GULP1: variants seen among roughly 807,000 people sequenced by gnomAD.
GULP1 encodes the protein GULP PTB domain containing engulfment adaptor 1, also known as PTB domain-containing engulfment adapter protein 1.
A neutral mutation model predicts 40.9 loss-of-function variants in GULP1; 19 were observed. The observed-to-expected ratio is 0.46, with a 90% confidence interval of 0.32 to 0.68. The LOEUF (loss-of-function observed/expected upper bound fraction) is 0.68. Among genes scored for constraint, GULP1 ranks in the 30% least tolerant of loss-of-function variants. The pLI is 0.03. For missense variants in GULP1, 312 were observed against 362.2 expected (o/e 0.86, Z 1.12); for synonymous variants, 119 against 117.6 (o/e 1.01, Z -0.08).
intron 2 of GULP1, among the ~76,000 whole-genome samples, chr2:188,474,950 A>G (rs2060889532): frequency 6.6e-6 from 1 of 152,166 alleles, no homozygotes; most frequent in Non-Finnish European, 1.5e-5. Flanking sequence ...TTTACATAGA[A>G]TTGTATTTCT....
intron 4 of GULP1, among the ~76,000 whole-genome samples, chr2:188,492,870 A>G (rs1480005995): frequency 6.6e-6 from 1 of 152,016 alleles, no homozygotes; most frequent in Non-Finnish European, 1.5e-5. Context: ...TTAATAGCAC[A>G]TTTCAAATTT....
At chr2:188,521,660 A>G (rs376284850) in intron 4 of GULP1, among the ~76,000 whole-genome samples, 9 of 152,156 alleles carry the variant, frequency 5.9e-5, no homozygotes, top group African/African-American at 1.7e-4. Context: ...TTGTGACTCA[A>G]TTACCTCCCA....
chr2:188,575,925 G>T (rs1700086871), intron 9 of GULP1, among the ~76,000 whole-genome samples: 1 of 152,078 alleles, frequency 6.6e-6, no homozygotes, highest in African/African-American at 2.4e-5. Flanking sequence ...ACCTGTGGAG[G>T]TTATGAGCAG....
At chr2:188,436,176 A>G (rs900204832) in intron 2 of GULP1, among the ~76,000 whole-genome samples, 6 of 151,940 alleles carry the variant, frequency 3.9e-5, no homozygotes, top group Admixed American at 6.6e-5. Context: ...TTAAAATCCA[A>G]CCATCACAGC....
At chr2:188,495,415 A>G (rs1197778095) in intron 4 of GULP1, among the ~76,000 whole-genome samples, 2 of 152,112 alleles carry the variant, frequency 1.3e-5, no homozygotes, top group Admixed American at 6.6e-5. Context: ...GAAGTCCTCC[A>G]CTGCGTTGTC....
At position 188,477,680 on chromosome 2, in the gene GULP1, C is replaced by T. The variant is rs764790887; in HGVS notation, c.-23C>T. On this transcript the variant is annotated 5_prime_UTR_variant, in exon 3 of 12. Transcript: ENST00000409830. ...ACAGGATTTAAGTCGTGGAACTGAA[C>T]ATTTATTTGGCTGATCCTCATCATG... 34 of 1,583,752 alleles carry T rather than the reference C, an allele frequency of 2.1e-5. No individual in the cohort carries two copies. Among genetic ancestry groups the T allele is most frequent in the Non-Finnish European group, 1.0e-5 (12 of 1,164,376 alleles).
intron 6 of GULP1, among the ~76,000 whole-genome samples, chr2:188,530,434 T>C (rs1424990556): frequency 6.6e-6 from 1 of 152,218 alleles, no homozygotes; most frequent in Non-Finnish European, 1.5e-5. Context: ...TGGACTAAAG[T>C]GTTTCCTTCC....
At chr2:188,402,026 T>G (rs912444772) in intron 2 of GULP1, among the ~76,000 whole-genome samples, 1 of 152,148 alleles carries the variant, frequency 6.6e-6, no homozygotes, top group African/African-American at 2.4e-5. Context: ...AGAACGTATT[T>G]GCACATTCTT....
At chr2:188,303,850 A>T (rs1222212477) in intron 1 of GULP1, among the ~76,000 whole-genome samples, 1 of 152,214 alleles carries the variant, frequency 6.6e-6, no homozygotes. Flanking sequence ...ATTCATGGCA[A>T]CTAAGGAAGT....
chr2:188,462,714 T>C (rs926996483), intron 2 of GULP1, among the ~76,000 whole-genome samples: 4 of 152,164 alleles, frequency 2.6e-5, no homozygotes, highest in Admixed American at 1.3e-4. Context: ...TTTCCTTTTA[T>C]TGAAGATGAT....
At chr2:188,586,450 T>C (rs1702391868) in intron 10 of GULP1, among the ~76,000 whole-genome samples, 1 of 152,200 alleles carries the variant, frequency 6.6e-6, no homozygotes, top group Non-Finnish European at 1.5e-5. Flanking sequence ...AACCAGGACA[T>C]TTCTCCAGAG....
At chr2:188,501,197 C>T (rs186385089) in intron 4 of GULP1, among the ~76,000 whole-genome samples, 5 of 151,848 alleles carry the variant, frequency 3.3e-5, no homozygotes, top group African/African-American at 1.2e-4. Context: ...GGGAGGGACC[C>T]GGTGGGAGGT....
chr2:188,548,593 GA>G (rs1276593254), intron 7 of GULP1, among the ~76,000 whole-genome samples: 1 of 151,976 alleles, frequency 6.6e-6, no homozygotes, highest in African/African-American at 2.4e-5. Flanking sequence ...ACTTTATATG[GA>G]AAAGCAGAGG....
At chr2:188,306,946 T>A (rs996408790) in intron 1 of GULP1, among the ~76,000 whole-genome samples, 1 of 152,200 alleles carries the variant, frequency 6.6e-6, no homozygotes. Context: ...TTGATGACTA[T>A]CAATAATTGT....
intron 4 of GULP1, among the ~76,000 whole-genome samples, chr2:188,493,001 A>G (rs12997039): frequency 0.87 from 131,855 of 152,092 alleles, 59,149 homozygotes; most frequent in South Asian, 0.99. Context: ...AGGATTTGCA[A>G]CGTTTACATT....
chr2:188,420,236 T>G (rs2055202161), intron 2 of GULP1, among the ~76,000 whole-genome samples: 1 of 152,208 alleles, frequency 6.6e-6, no homozygotes, highest in Non-Finnish European at 1.5e-5. Flanking sequence ...ATTGGGATTT[T>G]AATCAGAATT....
At chr2:188,576,348 A>C (rs1700183449) in intron 9 of GULP1, among the ~76,000 whole-genome samples, 1 of 152,092 alleles carries the variant, frequency 6.6e-6, no homozygotes, top group Admixed American at 6.6e-5. Flanking sequence ...ATTGAGTTCT[A>C]GCTAAAGAAA....
At chr2:188,341,288 G>C (rs1031145191) in intron 1 of GULP1, among the ~76,000 whole-genome samples, 3 of 152,136 alleles carry the variant, frequency 2.0e-5, no homozygotes, top group Non-Finnish European at 4.4e-5. Flanking sequence ...AAAAGACAGA[G>C]AGGATGGGAA....
chr2:188,578,998 C>T (rs879524995), intron 9 of GULP1, among the ~76,000 whole-genome samples: 6 of 152,072 alleles, frequency 3.9e-5, no homozygotes, highest in Admixed American at 2.6e-4. Context: ...GTGCTACATC[C>T]GCACGTTCAT....
Sources: gnomAD v4.1 joint callset for allele counts (sites outside exome capture counted in the v4.1 genomes callset) on GRCh38, gnomAD v4.1.1 for gene constraint, MANE v1.5 for transcripts, NCBI Gene and HGNC (gene_info 2026-07-23, HGNC 2026-07-21) for gene names.